The following MGLL variants were observed in gnomAD, a reference collection of about 807,000 sequenced individuals.
MGLL encodes lysophospholipase homolog.
In MGLL, 7 loss-of-function variants were observed where a neutral mutation model predicts 29.1. The ratio of observed to expected loss-of-function variants is 0.24; its 90% CI spans 0.14 to 0.45. The LOEUF (loss-of-function observed/expected upper bound fraction) is 0.45. MGLL is among the 20% of genes least tolerant of loss of function. The pLI, the probability that MGLL is intolerant of heterozygous loss-of-function variation, is 0.99. For synonymous variants in MGLL, 148 were observed against 168.3 expected, an observed-to-expected ratio of 0.88 and a Z score of 0.93; for missense variants, 356 against 413.6, an observed-to-expected ratio of 0.86 and a Z score of 1.21.
At chr3:127,702,486 C>G (rs1006269096) in intron 6 of MGLL, among the ~76,000 whole-genome samples, 1 of 152,214 alleles carries the variant, frequency 6.6e-6, no homozygotes, top group African/African-American at 2.4e-5. Context: ...ATTCCTGAAC[C>G]AGATCAGGGC....
At chr3:127,746,843 T>G (rs931893233) in intron 3 of MGLL, among the ~76,000 whole-genome samples, 4 of 151,660 alleles carry the variant, frequency 2.6e-5, no homozygotes, top group Admixed American at 1.3e-4. Context: ...TTCCACAAGA[T>G]CCACCCAGTC....
In MGLL at chr3:127,776,462, C is replaced by T. The variant is rs117565000; in HGVS notation, c.262+5327G>A. Among the ~76,000 whole-genome samples, 87 of 152,290 alleles carry T rather than the reference C, an allele frequency of 5.7e-4. 1 individual carries two copies. The East Asian group carries it at 0.01, about 18-fold the overall frequency. On this transcript the variant is annotated intron_variant, in intron 3 of 7. Transcript: ENST00000265052. ...GGTGAGAACCATGGCTCTCAACGATCGGAGCCCTTCCTCCTGCTGACAAGC... is the reference window on the plus strand; with the variant it reads ...GGTGAGAACCATGGCTCTCAACGATTGGAGCCCTTCCTCCTGCTGACAAGC...
At chr3:127,714,015 C>G (rs2075768612) in intron 5 of MGLL, 1 of 151,364 alleles carries the variant, frequency 6.6e-6, no homozygotes, top group Non-Finnish European at 1.5e-5. Flanking sequence ...TCTCACCCAG[C>G]AAGCCTGATT....
intron 2 of MGLL, among the ~76,000 whole-genome samples, chr3:127,805,763 G>A (rs558146022): frequency 4.6e-4 from 70 of 152,216 alleles, no homozygotes; most frequent in Non-Finnish European, 8.2e-4. Flanking sequence ...ACTGTCTATG[G>A]CAATAAAATA....
intron 3 of MGLL, among the ~76,000 whole-genome samples, chr3:127,779,499 C>CA (rs577179225): frequency 6.7e-6 from 1 of 148,272 alleles, no homozygotes; most frequent in Non-Finnish European, 1.5e-5. Flanking sequence ...TAGAACCAGC[C>CA]TTTTTTTTTT....
rs1333309387 is a variant in MGLL at position 127,735,718 on chromosome 3, G to A, written c.263-13152C>T. The stretch of plus-strand genomic sequence containing the variant: ...AGCTGAACATACCTGGCAAAAGGTG[G>A]GTTTCCAGCACGTGCTCGCTCCCCG... On this transcript the variant is annotated intron_variant, in intron 3 of 7. Transcript: ENST00000265052. The A allele has an allele frequency of 1.9e-6, 3 of 1,597,664 alleles. No homozygotes were observed. In the African/African-American group the frequency reaches 4.0e-5, roughly 21 times the overall value.
intron 2 of MGLL, 140 bp downstream of exon 2, chr3:127,821,554 C>G: frequency 1.1e-6 from 1 of 869,728 alleles, no homozygotes; most frequent in Non-Finnish European, 1.8e-6. Flanking sequence ...GTTAACATTG[C>G]TCAGCCTAAC....
intron 6 of MGLL, among the ~76,000 whole-genome samples, chr3:127,697,722 C>T (rs1247843951): frequency 1.3e-5 from 2 of 152,186 alleles, no homozygotes; most frequent in East Asian, 1.9e-4. Context: ...GAGTCAGGGC[C>T]GTGTGGACAA....
intron 3 of MGLL, among the ~76,000 whole-genome samples, chr3:127,744,756 C>A (rs1344676247): frequency 6.6e-6 from 1 of 152,108 alleles, no homozygotes; most frequent in Non-Finnish European, 1.5e-5. Context: ...GCTTTTACAC[C>A]GCCGGACACG....
chr3:127,711,750 G>C (rs1229315231), intron 5 of MGLL: 1 of 146,864 alleles, frequency 6.8e-6, no homozygotes, highest in Admixed American at 6.8e-5. Context: ...TTTTTTGAGA[G>C]TCTTGCTCTG....
At chr3:127,742,291 A>G (rs1166268569) in intron 3 of MGLL, among the ~76,000 whole-genome samples, 1 of 152,172 alleles carries the variant, frequency 6.6e-6, no homozygotes, top group East Asian at 1.9e-4. Context: ...GTTTACAGAC[A>G]AAAGCTACAG....
At chr3:127,700,686 GACCTCACGGCAGCTGGCAACCGCTGGCC>G (rs915888294) in intron 6 of MGLL, among the ~76,000 whole-genome samples, 1 of 152,214 alleles carries the variant, frequency 6.6e-6, no homozygotes, top group Non-Finnish European at 1.5e-5. Context: ...GGCCAGCACA[GACCTCACGGCAGCTGGCAACCGCTGGCC>G]ACCTGCTGGC....
intron 3 of MGLL, among the ~76,000 whole-genome samples, chr3:127,747,753 C>G (rs1474560010): frequency 1.3e-5 from 2 of 152,194 alleles, no homozygotes; most frequent in Admixed American, 6.5e-5. Flanking sequence ...ACGGTAACAC[C>G]TATTTGAGCT....
chr3:127,786,028 G>A (rs950357816), intron 2 of MGLL, among the ~76,000 whole-genome samples: 2 of 152,184 alleles, frequency 1.3e-5, no homozygotes, highest in African/African-American at 4.8e-5. Context: ...TACTCCAGGC[G>A]CAGAAGGAAG....
chr3:127,762,364 G>A (rs1429807598), intron 3 of MGLL, among the ~76,000 whole-genome samples: 1 of 152,098 alleles, frequency 6.6e-6, no homozygotes, highest in Non-Finnish European at 1.5e-5. Flanking sequence ...ACTTCAGAAA[G>A]GCTCAGCTCA....
intron 2 of MGLL, among the ~76,000 whole-genome samples, chr3:127,789,505 T>G (rs996019391): frequency 6.6e-6 from 1 of 151,306 alleles, no homozygotes; most frequent in South Asian, 2.1e-4. Context: ...AGGCCAGGAG[T>G]TTGAGACCAG....
chr3:127,745,936 G>A (rs1158614401), intron 3 of MGLL, among the ~76,000 whole-genome samples: 5 of 152,178 alleles, frequency 3.3e-5, no homozygotes, highest in African/African-American at 1.2e-4. Flanking sequence ...GACTGGCGCT[G>A]GAACTTTACA....
At position 127,710,639 on chromosome 3, in the gene MGLL, A is replaced by G; in HGVS notation, c.537T>C (p.Leu179=). ...FKVLAAKVLN[L]VLPNLSLGPI... Reference sequence around the variant, plus strand: ...GCCCGAGGGACAAGTTTGGCAGCACAAGGTTGAGCACTTTCGCAGCAAGGA... The same window carrying G: ...GCCCGAGGGACAAGTTTGGCAGCACGAGGTTGAGCACTTTCGCAGCAAGGA... The change falls in exon 6 of 8, where the codon CTT becomes CTC. Residue 179 remains leucine (L), a synonymous_variant. Transcript: ENST00000265052. 1 of 1,573,552 alleles carries G rather than the reference A, an allele frequency of 6.4e-7. No individual in the cohort carries two copies. The highest frequency in any genetic ancestry group is 1.7e-4 in the Middle Eastern group (1 of 6,010).
chr3:127,720,761 T>C (rs558122036), intron 5 of MGLL, among the ~76,000 whole-genome samples: 2 of 152,352 alleles, frequency 1.3e-5, no homozygotes, highest in South Asian at 4.1e-4. Context: ...TTAACAAACG[T>C]GACTTTGCTG....
Sources: allele counts gnomAD v4.1 joint callset (sites outside exome capture counted in the v4.1 genomes callset), GRCh38; gene constraint gnomAD v4.1.1; transcripts MANE v1.5; gene names NCBI Gene and HGNC (gene_info 2026-07-23, HGNC 2026-07-21).